Variants in ROS1 observed in about 807,000 individuals in gnomAD.
The protein encoded by ROS1 is proto-oncogene tyrosine-protein kinase ROS.
ROS1 carries 263 observed loss-of-function variants against 273.5 expected under a neutral mutation model. The observed-to-expected ratio is 0.96, with a 90% confidence interval of 0.87 to 1.06. The LOEUF is 1.06. Ranked by LOEUF, ROS1 falls within the 50% of genes least tolerant of loss-of-function variation. The pLI is 0.00. For missense variants in ROS1, 2,833 were observed against 2,751.1 expected (o/e 1.03, Z -0.67); for synonymous variants, 1,008 against 954.1 (o/e 1.06, Z -1.04).
rs1774192944 is a variant in ROS1, at chr6:117,404,153, G to A, written c.465+127C>T. The A allele has an allele frequency of 6.0e-6, 5 of 836,040 alleles. No individual in the cohort carries two copies. The South Asian group carries it at 6.5e-5, about 11-fold the overall frequency. The allele number at this position is 836,040 out of a possible 1,614,324, so 51.8% of individuals were successfully genotyped here. On this transcript the variant is annotated intron_variant, in intron 6 of 43. Coordinates refer to ENST00000368507, the MANE Select transcript of ROS1 (RefSeq NM_001378902.1). The stretch of plus-strand genomic sequence containing the variant: ...GGAGAATGGTGTGAACCCAAGAGGC[G>A]GAGCTTGCAGTAAGCTGAGATCGCG...
intron 7 of ROS1, among the ~76,000 whole-genome samples, chr6:117,399,491 G>A (rs1773774200): frequency 6.6e-6 from 1 of 152,174 alleles, no homozygotes; most frequent in Admixed American, 6.5e-5. Flanking sequence ...GGGGGAAAAT[G>A]CCCCAACCCA....
chr6:117,386,935 G>A lies in ROS1; in HGVS notation c.2064C>T (p.Ser688=). 1.2e-6 allele frequency: 2 copies of A among 1,612,798 alleles called. No homozygotes were observed. Among genetic ancestry groups the A allele is most frequent in the Non-Finnish European group, 1.7e-6 (2 of 1,178,962 alleles). Residue 688 remains serine, a synonymous_variant, in exon 15 of 44, where the codon AGC becomes AGT. Coordinates refer to ENST00000368507, the MANE Select transcript of ROS1 (RefSeq NM_001378902.1). ...EDGLWSKPLN[S]FGPGEFLSSD... is the part of the protein sequence containing the mutation. ...AGGATAAGAACTCTCCTGGGCCAAA[G>A]CTATTTAATGGTTTACTCCAAAGCC...
intron 32 of ROS1, among the ~76,000 whole-genome samples, chr6:117,330,866 A>G (rs1183596210): frequency 6.6e-6 from 1 of 152,148 alleles, no homozygotes; most frequent in Non-Finnish European, 1.5e-5. Context: ...ACAACTAGAC[A>G]AACTCACGAA....
intron 32 of ROS1, among the ~76,000 whole-genome samples, chr6:117,329,843 T>C (rs1582638840): frequency 6.6e-6 from 1 of 152,130 alleles, no homozygotes; most frequent in African/African-American, 2.4e-5. Flanking sequence ...AACTCATGGA[T>C]TGGAAGATCC....
chr6:117,323,239 T>A (rs1203561716), intron 35 of ROS1, among the ~76,000 whole-genome samples: 1 of 152,250 alleles, frequency 6.6e-6, no homozygotes, highest in Non-Finnish European at 1.5e-5. Context: ...GGGTGGAATC[T>A]TTGAAAAAAA....
chr6:117,361,945 C>T (rs978427407), intron 22 of ROS1, among the ~76,000 whole-genome samples: 2 of 151,950 alleles, frequency 1.3e-5, no homozygotes, highest in African/African-American at 4.8e-5. Flanking sequence ...TACAAAAATA[C>T]CTACAGTGGT....
rs1275770178 is a variant in ROS1 at position 117,365,664 on chromosome 6, T to C, written c.2875A>G (p.Ser959Gly). The C allele has an allele frequency of 1.9e-6, 3 of 1,612,792 alleles. No individual in the cohort carries two copies. Among genetic ancestry groups the C allele is most frequent in the Non-Finnish European group, 2.5e-6 (3 of 1,179,160 alleles). The change falls in exon 20 of 44, where the codon AGT (serine) becomes GGT (glycine). Residue 959 changes from serine to glycine, a missense_variant. Physicochemically the swap from Ser to Gly is moderately conservative, Grantham distance 56. Coordinates refer to ENST00000368507, the MANE Select transcript of ROS1 (RefSeq NM_001378902.1). The stretch of plus-strand genomic sequence containing the variant: ...GGACCATTCCACAGGATTTGAAAAC[T>C]TGAAGCATTTCCTTCAATCCTAAAT... ...SSFRIEGNAS[S>G]FQILWNGPPA...
intron 42 of ROS1, among the ~76,000 whole-genome samples, chr6:117,304,451 G>C (rs1277013571): frequency 6.6e-6 from 1 of 152,212 alleles, no homozygotes; most frequent in East Asian, 1.9e-4. Context: ...TCATATTTCA[G>C]TTAGGAGGTT....
Position 117,425,858 on chromosome 6 carries a change from A to G in ROS1, c.-202T>C, listed in dbSNP as rs1039113764. 6.0e-6 allele frequency: 3 copies of G among 502,358 alleles called. No individual in the cohort carries two copies. Among genetic ancestry groups the G allele is most frequent in the Non-Finnish European group, 1.0e-5 (3 of 288,628 alleles). The allele number at this position is 502,358 out of a possible 1,614,324, so 31.1% of individuals were successfully genotyped here. Reference sequence around the variant, plus strand: ...ACCTTTGAATGCTTGAAAGCTTGTAACAGTTCCATAAGAGCTATTTCATAA... The same window carrying G: ...ACCTTTGAATGCTTGAAAGCTTGTAGCAGTTCCATAAGAGCTATTTCATAA... On this transcript the variant is annotated 5_prime_UTR_variant, in exon 1 of 44. Coordinates refer to ENST00000368507, the MANE Select transcript of ROS1 (RefSeq NM_001378902.1).
chr6:117,412,273 T>C (rs1774973966), intron 4 of ROS1, among the ~76,000 whole-genome samples: 1 of 151,950 alleles, frequency 6.6e-6, no homozygotes, highest in South Asian at 2.1e-4. Context: ...ATAAGATCTA[T>C]TTTGACTATT....
At chr6:117,323,865 A>C (rs1776452886) in intron 35 of ROS1, among the ~76,000 whole-genome samples, 1 of 152,166 alleles carries the variant, frequency 6.6e-6, no homozygotes, top group Non-Finnish European at 1.5e-5. Flanking sequence ...GATCTTCTGC[A>C]AAAGAGGCCC....
intron 12 of ROS1, among the ~76,000 whole-genome samples, chr6:117,392,485 A>G (rs1365520626): frequency 4.6e-5 from 7 of 152,178 alleles, no homozygotes; most frequent in African/African-American, 7.2e-5. Flanking sequence ...AATAACTCCA[A>G]AATAACTTTC....
intron 26 of ROS1, among the ~76,000 whole-genome samples, chr6:117,355,089 A>G (rs1342222728): frequency 6.6e-6 from 1 of 152,202 alleles, no homozygotes; most frequent in Non-Finnish European, 1.5e-5. Flanking sequence ...TATCAGTGGT[A>G]GGGGGTTCTC....
intron 32 of ROS1, among the ~76,000 whole-genome samples, chr6:117,334,413 A>T (rs1312188451): frequency 6.6e-6 from 1 of 152,228 alleles, no homozygotes; most frequent in African/African-American, 2.4e-5. Context: ...GAAAATGGCC[A>T]TTCTGCCCAG....
Position 117,287,938 on chromosome 6 carries a change from A to T in ROS1, c.*554T>A, listed in dbSNP as rs1048051133. Among the ~76,000 whole-genome samples, 56 of 151,710 alleles carry T rather than the reference A, an allele frequency of 3.7e-4. No homozygotes were observed. Among genetic ancestry groups the T allele is most frequent in the Non-Finnish European group, 5.6e-4 (38 of 67,890 alleles). On this transcript the variant is annotated 3_prime_UTR_variant, in exon 44 of 44. Transcript: ENST00000368507. ...GTCTCAAAAAAAAAAAAAAAAAATT[A>T]AAAAAAGATAATATATATATCATTG...
chr6:117,300,426 A>T (rs909274750), intron 43 of ROS1, among the ~76,000 whole-genome samples: 5 of 152,160 alleles, frequency 3.3e-5, no homozygotes, highest in Non-Finnish European at 5.9e-5. Context: ...GAAAACAGAA[A>T]GAAAAATGCA....
chr6:117,401,218 G>A (rs62430840), intron 7 of ROS1, among the ~76,000 whole-genome samples: 3,686 of 152,082 alleles, frequency 0.024, 60 homozygotes, highest in Middle Eastern at 0.037. Context: ...GACTTGCTTG[G>A]CCTCCTAACA....
chr6:117,424,269 T>C (rs1775976898), intron 1 of ROS1, among the ~76,000 whole-genome samples: 1 of 151,856 alleles, frequency 6.6e-6, no homozygotes, highest in Non-Finnish European at 1.5e-5. Context: ...TACAATGTAA[T>C]GAAAAAGCTG....
At chr6:117,408,383 C>T (rs1295524225) in intron 5 of ROS1, among the ~76,000 whole-genome samples, 1 of 152,070 alleles carries the variant, frequency 6.6e-6, no homozygotes, top group Non-Finnish European at 1.5e-5. Flanking sequence ...AACAAACAAC[C>T]CCATCAAAAA....
Sources: gnomAD v4.1 joint callset for allele counts (sites outside exome capture counted in the v4.1 genomes callset) on GRCh38, gnomAD v4.1.1 for gene constraint, MANE v1.5 for transcripts, NCBI Gene and HGNC (gene_info 2026-07-23, HGNC 2026-07-21) for gene names.